Variants in MGAT4C observed in about 807,000 individuals in gnomAD.
MGAT4C encodes the protein MGAT4 family member C.
MGAT4C carries 19 observed loss-of-function variants against 40.1 expected under a neutral mutation model. That is an observed-to-expected ratio of 0.47 (90% CI 0.33 to 0.70). MGAT4C has a LOEUF of 0.70. Ranked by LOEUF, MGAT4C falls within the 30% of genes least tolerant of loss-of-function variation. The probability of loss-of-function intolerance (pLI) is 0.02; values close to 1 mark genes in which losing one functional copy is unlikely to be tolerated. For missense variants in MGAT4C, 491 were observed against 563.2 expected, an observed-to-expected ratio of 0.87 and a Z score of 1.30; for synonymous variants, 181 against 187.1, an observed-to-expected ratio of 0.97 and a Z score of 0.27.
rs1410974047 is a variant in MGAT4C, at chr12:85,965,550, T to C, written c.*13739A>G. On this transcript the variant is annotated 3_prime_UTR_variant, in exon 5 of 5. Transcript: ENST00000611864. ...AGGTGGAACTTGCAGTGAGCGGAGA[T>C]AGTGCCACTGCAGTCCGGCCTGGGC... 7.9e-6 allele frequency: 1 copy of C among 127,346 alleles called. No individual in the cohort carries two copies. Among genetic ancestry groups the C allele is most frequent in the Non-Finnish European group, 1.5e-5 (1 of 65,132 alleles). The allele number at this position is 127,346 out of a possible 1,614,324, so 7.9% of individuals were successfully genotyped here.
intron 2 of MGAT4C, among the ~76,000 whole-genome samples, chr12:86,542,103 A>C (rs544340322): frequency 4.6e-5 from 7 of 152,342 alleles, no homozygotes; most frequent in African/African-American, 1.2e-4. Context: ...TAACACCTGA[A>C]AACATGTTAC....
rs569121741 is a variant in MGAT4C at position 85,991,995 on chromosome 12, G to A, written c.-6-2443C>T. On this transcript the variant is annotated intron_variant, in intron 2 of 4. Coordinates refer to ENST00000611864, the MANE Select transcript of MGAT4C (RefSeq NM_001351288.2). Reference sequence around the variant, plus strand: ...CCTACCTTTTCAAAGGGCAGACAAAGGTGCCACTAGCAACATACGTTTCTG... The same window carrying A: ...CCTACCTTTTCAAAGGGCAGACAAAAGTGCCACTAGCAACATACGTTTCTG... Among the ~76,000 whole-genome samples, 36 of 152,202 alleles carry A rather than the reference G, an allele frequency of 2.4e-4. No homozygotes were observed. The East Asian group carries it at 5.6e-3, about 24-fold the overall frequency.
intron 2 of MGAT4C, among the ~76,000 whole-genome samples, chr12:86,537,137 C>A (rs547589614): frequency 1.3e-3 from 195 of 151,962 alleles, no homozygotes; most frequent in African/African-American, 4.5e-3. Flanking sequence ...AACCAAACAC[C>A]GCATGTTCTC....
chr12:86,785,280 G>A (rs1282516922), intron 1 of MGAT4C, among the ~76,000 whole-genome samples: 2 of 151,850 alleles, frequency 1.3e-5, no homozygotes, highest in African/African-American at 2.4e-5. Context: ...CTCTGACACC[G>A]AAATATCTAT....
chr12:86,716,785 G>A (rs1309793182), intron 2 of MGAT4C, among the ~76,000 whole-genome samples: 2 of 152,064 alleles, frequency 1.3e-5, no homozygotes, highest in East Asian at 3.9e-4. Flanking sequence ...GAAAGATAAT[G>A]TTTCATATAT....
intron 4 of MGAT4C, among the ~76,000 whole-genome samples, chr12:86,261,411 G>C (rs1252494549): frequency 1.3e-5 from 2 of 151,924 alleles, no homozygotes; most frequent in African/African-American, 4.8e-5. Flanking sequence ...AAATATACCA[G>C]ACCAATTTTC....
chr12:86,597,623 C>T (rs1242307700), intron 2 of MGAT4C, among the ~76,000 whole-genome samples: 1 of 152,170 alleles, frequency 6.6e-6, no homozygotes, highest in Admixed American at 6.5e-5. Context: ...GTCCTGCATA[C>T]TGATGAAACT....
At chr12:86,287,862 C>T (rs935414072) in intron 4 of MGAT4C, among the ~76,000 whole-genome samples, 1 of 152,120 alleles carries the variant, frequency 6.6e-6, no homozygotes, top group Non-Finnish European at 1.5e-5. Context: ...TGGGTATATA[C>T]CCAGTAATGG....
chr12:86,511,213 A>C (rs1238117913), intron 2 of MGAT4C, among the ~76,000 whole-genome samples: 1 of 152,070 alleles, frequency 6.6e-6, no homozygotes, highest in East Asian at 1.9e-4. Context: ...AACTACATGG[A>C]AACTGAACAA....
intron 1 of MGAT4C, among the ~76,000 whole-genome samples, chr12:86,203,236 C>T (rs839151): frequency 6.6e-6 from 1 of 151,900 alleles, no homozygotes; most frequent in Non-Finnish European, 1.5e-5. Flanking sequence ...CTTAATTCAA[C>T]GGTTATATTC....
At chr12:86,596,912 C>A (rs1159578488) in intron 2 of MGAT4C, among the ~76,000 whole-genome samples, 1 of 152,150 alleles carries the variant, frequency 6.6e-6, no homozygotes, top group East Asian at 1.9e-4. Flanking sequence ...AAACTAAATT[C>A]CTGACCATAA....
chr12:86,707,591 C>A (rs1416840628), intron 2 of MGAT4C, among the ~76,000 whole-genome samples: 2 of 150,826 alleles, frequency 1.3e-5, no homozygotes, highest in African/African-American at 4.9e-5. Flanking sequence ...AGTGCAGTGG[C>A]ACAATCACAG....
At chr12:86,597,698 T>C (rs1961594327) in intron 2 of MGAT4C, among the ~76,000 whole-genome samples, 1 of 152,204 alleles carries the variant, frequency 6.6e-6, no homozygotes, top group Non-Finnish European at 1.5e-5. Flanking sequence ...ACACAGGAGC[T>C]GACTTACCAA....
chr12:86,714,774 A>AAAGGAAGGAAGG (rs71445060), intron 2 of MGAT4C, among the ~76,000 whole-genome samples: 9,292 of 141,382 alleles, frequency 0.066, 350 homozygotes, highest in East Asian at 0.16. Flanking sequence ...TGGAAGGGAA[A>AAAGGAAGGAAGG]AAGGAAGGAA....
chr12:86,331,240 T>A (rs1016080622), intron 4 of MGAT4C, among the ~76,000 whole-genome samples: 1 of 152,214 alleles, frequency 6.6e-6, no homozygotes. Context: ...TCCAAGCGGT[T>A]GCATCCCTTC....
chr12:86,692,454 A>G (rs183042228), intron 2 of MGAT4C, among the ~76,000 whole-genome samples: 33 of 152,336 alleles, frequency 2.2e-4, no homozygotes, highest in Admixed American at 2.0e-3. Context: ...TTAACACATA[A>G]ATAAATGGAA....
At chr12:86,457,217 A>C (rs1322947477) in intron 2 of MGAT4C, among the ~76,000 whole-genome samples, 6 of 152,152 alleles carry the variant, frequency 3.9e-5, no homozygotes, top group Non-Finnish European at 5.9e-5. Flanking sequence ...TTTAATAACT[A>C]GTCAACTACT....
At chr12:86,751,897 CAA>C (rs1951235937) in intron 1 of MGAT4C, among the ~76,000 whole-genome samples, 2 of 151,976 alleles carry the variant, frequency 1.3e-5, no homozygotes, top group South Asian at 2.1e-4. Flanking sequence ...TATAAAATCT[CAA>C]AAGTTTTGTT....
intron 2 of MGAT4C, among the ~76,000 whole-genome samples, chr12:86,698,097 G>T (rs924869833): frequency 1.3e-5 from 2 of 151,140 alleles, no homozygotes; most frequent in African/African-American, 2.4e-5. Context: ...ATCATTTTTT[G>T]AGTAGTATGT....
Sources: allele counts gnomAD v4.1 joint callset (sites outside exome capture counted in the v4.1 genomes callset), GRCh38; gene constraint gnomAD v4.1.1; transcripts MANE v1.5; gene names NCBI Gene and HGNC (gene_info 2026-07-23, HGNC 2026-07-21).